LYPLAL1: variants seen among roughly 807,000 people sequenced by gnomAD.
The protein encoded by LYPLAL1 is lysophospholipase like 1, also known as lysophospholipase-like protein 1.
LYPLAL1 carries 23 observed loss-of-function variants against 19.7 expected under a neutral mutation model. That is an observed-to-expected ratio of 1.17 (90% CI 0.84 to 1.65). LYPLAL1 has a LOEUF of 1.65. Among genes scored for constraint, LYPLAL1 ranks in the 40% most tolerant of loss-of-function variants. LYPLAL1 has a pLI of 0.00. For synonymous variants in LYPLAL1, 119 were observed against 96.3 expected, an observed-to-expected ratio of 1.24 and a Z score of -1.38; for missense variants, 355 against 279.4, an observed-to-expected ratio of 1.27 and a Z score of -1.93.
chr1:219,292,278 T>C, the LYPLAL1 span, among the ~76,000 whole-genome samples: 1 of 152,296 alleles, frequency 6.6e-6, no homozygotes, highest in East Asian at 1.9e-4. Flanking sequence ...CCCAGCCAGA[T>C]AGTATGCCCT....
At chr1:219,279,432 G>A in the LYPLAL1 span, among the ~76,000 whole-genome samples, 37 of 152,164 alleles carry the variant, frequency 2.4e-4, no homozygotes, top group Admixed American at 6.5e-5. Context: ...TTGCTTTGAC[G>A]TGAAGCTGTA....
At chr1:219,282,508 C>CAAA in the LYPLAL1 span, among the ~76,000 whole-genome samples, 371 of 138,292 alleles carry the variant, frequency 2.7e-3, no homozygotes, top group African/African-American at 8.5e-3. Context: ...CAATGAATGA[C>CAAA]AAAAAAAAAA....
At chr1:219,228,361 T>C in the LYPLAL1 span, among the ~76,000 whole-genome samples, 1 of 152,146 alleles carries the variant, frequency 6.6e-6, no homozygotes, top group Non-Finnish European at 1.5e-5. Context: ...TACCCGAATG[T>C]AATTAGATTC....
the LYPLAL1 span, among the ~76,000 whole-genome samples, chr1:219,405,496 G>A: frequency 3.9e-5 from 6 of 152,280 alleles, no homozygotes; most frequent in African/African-American, 1.4e-4. Flanking sequence ...GGATACATGA[G>A]CATATTATAC....
chr1:219,346,687 A>G, the LYPLAL1 span, among the ~76,000 whole-genome samples: 7 of 152,304 alleles, frequency 4.6e-5, no homozygotes, highest in African/African-American at 1.4e-4. Context: ...GGGGAGAATC[A>G]GAGCTTAATG....
At chr1:219,227,610 G>A in the LYPLAL1 span, among the ~76,000 whole-genome samples, 1 of 151,932 alleles carries the variant, frequency 6.6e-6, no homozygotes, top group Non-Finnish European at 1.5e-5. Flanking sequence ...CATGACTTTG[G>A]AAAACAGCCA....
At chr1:219,259,934 A>G in the LYPLAL1 span, among the ~76,000 whole-genome samples, 1 of 116,292 alleles carries the variant, frequency 8.6e-6, no homozygotes, top group Non-Finnish European at 1.9e-5. Flanking sequence ...GAGTAATTAA[A>G]CCAACACTCA....
the LYPLAL1 span, among the ~76,000 whole-genome samples, chr1:219,313,644 C>G: frequency 2.6e-5 from 4 of 152,004 alleles, no homozygotes; most frequent in Non-Finnish European, 4.4e-5. Context: ...ATGTGATTCT[C>G]CTGCCTCAGC....
chr1:219,276,186 A>G, the LYPLAL1 span, among the ~76,000 whole-genome samples: 1 of 152,172 alleles, frequency 6.6e-6, no homozygotes, highest in Non-Finnish European at 1.5e-5. Flanking sequence ...AGAAAAAAAA[A>G]CATTAATTGG....
chr1:219,223,153 G>A, the LYPLAL1 span: 3 of 151,754 alleles, frequency 2.0e-5, no homozygotes, highest in African/African-American at 7.3e-5. Flanking sequence ...ATAAAAGCAT[G>A]GGCCCAAGGC....
At chr1:219,225,469 C>T in the LYPLAL1 span, 1 of 152,070 alleles carries the variant, frequency 6.6e-6, no homozygotes, top group African/African-American at 2.4e-5. Context: ...ATCTATTCAT[C>T]CCCCCTCTCA....
At chr1:219,417,695 T>G in the LYPLAL1 span, among the ~76,000 whole-genome samples, 1 of 152,266 alleles carries the variant, frequency 6.6e-6, no homozygotes. Context: ...TAGGAATGTG[T>G]GTCCTTTGTC....
the LYPLAL1 span, among the ~76,000 whole-genome samples, chr1:219,285,665 A>T: frequency 2.6e-5 from 4 of 152,218 alleles, no homozygotes; most frequent in Admixed American, 2.6e-4. Flanking sequence ...CGTCCAGAAT[A>T]GGCAAATCCA....
chr1:219,384,128 C>T, the LYPLAL1 span, among the ~76,000 whole-genome samples: 4 of 152,128 alleles, frequency 2.6e-5, no homozygotes, highest in Non-Finnish European at 2.9e-5. Flanking sequence ...GTTAGAAATG[C>T]GAACATCCAT....
At chr1:219,274,825 A>C in the LYPLAL1 span, among the ~76,000 whole-genome samples, 26 of 152,232 alleles carry the variant, frequency 1.7e-4, no homozygotes, top group African/African-American at 5.5e-4. Context: ...ACATGAGATC[A>C]TCTATAATTA....
chr1:219,346,673 T>C, the LYPLAL1 span, among the ~76,000 whole-genome samples: 1 of 151,968 alleles, frequency 6.6e-6, no homozygotes, highest in Non-Finnish European at 1.5e-5. Flanking sequence ...AGGTGGAAGG[T>C]TTGGGGGAGA....
At chr1:219,414,130 C>T in the LYPLAL1 span, among the ~76,000 whole-genome samples, 1 of 152,186 alleles carries the variant, frequency 6.6e-6, no homozygotes, top group Non-Finnish European at 1.5e-5. Flanking sequence ...AAGACCCTAA[C>T]TAGAATGACC....
the LYPLAL1 span, among the ~76,000 whole-genome samples, chr1:219,289,756 T>G: frequency 6.6e-6 from 1 of 152,286 alleles, no homozygotes; most frequent in Admixed American, 6.5e-5. Flanking sequence ...GCTCGCGCCA[T>G]CCTCATTTTA....
At chr1:219,274,917 A>G in the LYPLAL1 span, among the ~76,000 whole-genome samples, 1 of 152,200 alleles carries the variant, frequency 6.6e-6, no homozygotes, top group South Asian at 2.1e-4. Context: ...TAAGTTTTAT[A>G]TACTATTCTT....
Sources: gnomAD v4.1 joint callset for allele counts (sites outside exome capture counted in the v4.1 genomes callset) on GRCh38, gnomAD v4.1.1 for gene constraint, MANE v1.5 for transcripts, NCBI Gene and HGNC (gene_info 2026-07-23, HGNC 2026-07-21) for gene names.